Variants in DYM observed in about 807,000 individuals in gnomAD.
DYM encodes dymeclin.
A neutral mutation model predicts 93.1 loss-of-function variants in DYM; 78 were observed. That is an observed-to-expected ratio of 0.84 (90% CI 0.70 to 1.01). DYM has a LOEUF of 1.01. Ranked by LOEUF, DYM falls within the 50% of genes least tolerant of loss-of-function variation. The probability of loss-of-function intolerance (pLI) is 0.00; values close to 1 mark genes in which losing one functional copy is unlikely to be tolerated. For missense variants in DYM, 789 were observed against 845.0 expected, an observed-to-expected ratio of 0.93 and a Z score of 0.82; for synonymous variants, 321 against 319.7, an observed-to-expected ratio of 1.00 and a Z score of -0.04.
At chr18:49,071,631 C>G (rs959209534) in intron 17 of DYM, among the ~76,000 whole-genome samples, 2 of 152,168 alleles carry the variant, frequency 1.3e-5, no homozygotes, top group African/African-American at 4.8e-5. Context: ...CTACAACAGT[C>G]AAGGGTAACA....
rs74790663 is a variant in DYM at position 49,344,185 on chromosome 18, G to C, written c.495-10332C>G. On this transcript the variant is annotated intron_variant, in intron 6 of 17. Transcript: ENST00000675505. ...TCTACATATCTGGGGAAAAAATGAT[G>C]TAAACAGAAAAACCCTGGAACAGCC... Among the ~76,000 whole-genome samples, 522 of 152,226 alleles carry C rather than the reference G, an allele frequency of 3.4e-3. 4 individuals carry two copies. The highest frequency in any genetic ancestry group is 0.012 in the African/African-American group (483 of 41,536).
In DYM at chr18:49,282,023, A is replaced by G; in HGVS notation, c.1099T>C (p.Leu367=). Residue 367 remains leucine, a synonymous_variant, in exon 10 of 18, where the codon TTG becomes CTG. Coordinates refer to ENST00000675505, the MANE Select transcript of DYM (RefSeq NM_001353214.3). ...HQNSNIRTYM[L]ARTDMENLVL... ...AGATTTTCCATATCTGTGCGAGCCA[A>G]CATGTATGTTCTAATATTACTATTT... The G allele has an allele frequency of 1.9e-6, 3 of 1,614,008 alleles. No homozygotes were observed. The highest frequency in any genetic ancestry group is 2.5e-6 in the Non-Finnish European group (3 of 1,179,924).
chr18:49,052,126 C>T (rs749850860), intron 17 of DYM, among the ~76,000 whole-genome samples: 4 of 152,194 alleles, frequency 2.6e-5, no homozygotes, highest in Non-Finnish European at 5.9e-5. Context: ...CCTGGAAGCA[C>T]ATGGTAAGGA....
intron 17 of DYM, among the ~76,000 whole-genome samples, chr18:49,076,517 T>A (rs967310539): frequency 7.9e-5 from 12 of 152,218 alleles, no homozygotes; most frequent in Admixed American, 7.8e-4. Flanking sequence ...AGAGTTATCA[T>A]GTAAAATGTA....
At chr18:49,394,241 T>G (rs4939579) in intron 2 of DYM, among the ~76,000 whole-genome samples, 83,584 of 152,018 alleles carry the variant, frequency 0.55, 24,387 homozygotes, top group Non-Finnish European at 0.66. Flanking sequence ...CTTTATGTCT[T>G]AATTTCCTCA....
intron 14 of DYM, among the ~76,000 whole-genome samples, chr18:49,206,135 A>C (rs1020072842): frequency 6.6e-6 from 1 of 151,490 alleles, no homozygotes; most frequent in Non-Finnish European, 1.5e-5. Context: ...AGTAGCTGGG[A>C]CTACAAGCGT....
chr18:49,293,277 G>A (rs1187698131), intron 8 of DYM, among the ~76,000 whole-genome samples: 12 of 152,166 alleles, frequency 7.9e-5, no homozygotes, highest in Admixed American at 2.0e-4. Flanking sequence ...TAGTGCTGCA[G>A]TAAACATATG....
chr18:49,276,292 T>G (rs1172549656), intron 10 of DYM, among the ~76,000 whole-genome samples: 1 of 152,190 alleles, frequency 6.6e-6, no homozygotes, highest in East Asian at 1.9e-4. Flanking sequence ...AAGTGATTAC[T>G]TTGTCAAATG....
At chr18:49,449,240 C>A (rs1169661942) in intron 1 of DYM, among the ~76,000 whole-genome samples, 1 of 152,196 alleles carries the variant, frequency 6.6e-6, no homozygotes, top group Non-Finnish European at 1.5e-5. Context: ...AGGTGTTTCA[C>A]CTCTCATGAA....
intron 2 of DYM, among the ~76,000 whole-genome samples, chr18:49,408,086 C>T (rs1201635294): frequency 6.7e-6 from 1 of 150,124 alleles, no homozygotes; most frequent in African/African-American, 2.4e-5. Context: ...AAAACTGAAC[C>T]ATAAAAAGCT....
chr18:49,416,091 T>G (rs1277697759), intron 2 of DYM, among the ~76,000 whole-genome samples: 1 of 152,238 alleles, frequency 6.6e-6, no homozygotes, highest in African/African-American at 2.4e-5. Context: ...AAATTTCTGC[T>G]GCTTATTTTC....
chr18:49,242,070 T>C (rs1050454190), intron 13 of DYM, among the ~76,000 whole-genome samples: 13 of 152,192 alleles, frequency 8.5e-5, no homozygotes, highest in African/African-American at 2.9e-4. Flanking sequence ...CCACTTGCTC[T>C]CACCCCACCC....
At chr18:49,385,153 G>A (rs1280063522) in intron 3 of DYM, among the ~76,000 whole-genome samples, 3 of 152,078 alleles carry the variant, frequency 2.0e-5, no homozygotes, top group Non-Finnish European at 1.5e-5. Flanking sequence ...AAGAAGTGAG[G>A]ATACCCGGCT....
intron 17 of DYM, among the ~76,000 whole-genome samples, chr18:49,092,753 G>C (rs1450598730): frequency 4.6e-5 from 7 of 152,178 alleles, no homozygotes; most frequent in Non-Finnish European, 8.8e-5. Flanking sequence ...ATCCTGAGAA[G>C]CAAATCTGGG....
intron 15 of DYM, among the ~76,000 whole-genome samples, chr18:49,148,311 G>A (rs571769189): frequency 7.3e-5 from 11 of 151,292 alleles, no homozygotes; most frequent in African/African-American, 2.7e-4. Flanking sequence ...CCTGCATGTT[G>A]TGCACATGTA....
At chr18:49,372,590 C>A (rs767655372) in intron 5 of DYM, among the ~76,000 whole-genome samples, 6 of 152,014 alleles carry the variant, frequency 3.9e-5, no homozygotes, top group Non-Finnish European at 7.4e-5. Context: ...TAAAAAAATA[C>A]AAAAATTAGC....
intron 2 of DYM, among the ~76,000 whole-genome samples, chr18:49,392,159 AC>A (rs1466782268): frequency 1.3e-5 from 2 of 152,226 alleles, no homozygotes; most frequent in African/African-American, 4.8e-5. Flanking sequence ...GAAAAAAGAT[AC>A]AAAGATACAA....
At position 49,072,837 on chromosome 18, in the gene DYM, A is replaced by C. The variant is rs146483179; in HGVS notation, c.2025+24565T>G. Among the ~76,000 whole-genome samples the C allele has an allele frequency of 7.3e-3, 1,107 of 152,368 alleles. 7 individuals carry two copies. Among genetic ancestry groups the C allele is most frequent in the Non-Finnish European group, 0.011 (757 of 68,032 alleles). On this transcript the variant is annotated intron_variant, in intron 17 of 17. Transcript: ENST00000675505. ...GAAGCACAACTGATAGGGCTTCACA[A>C]ACATGTGATATCCCTTTAAGAAAGG...
rs1042184664 is a variant in DYM, at chr18:49,108,745, T to C, written c.1911+9999A>G. Among the ~76,000 whole-genome samples the C allele has an allele frequency of 2.6e-5, 4 of 152,198 alleles. No individual in the cohort carries two copies. In the South Asian group the frequency reaches 8.3e-4, roughly 32 times the overall value. ...GAACTCATCAAGTTGGTGGTTAGTATTGTTTGGGTCTTCTGTATCATCACA... is the reference window on the plus strand; with the variant it reads ...GAACTCATCAAGTTGGTGGTTAGTACTGTTTGGGTCTTCTGTATCATCACA... On this transcript the variant is annotated intron_variant, in intron 16 of 17. Coordinates refer to ENST00000675505, the MANE Select transcript of DYM (RefSeq NM_001353214.3).
Sources: gnomAD v4.1 joint callset for allele counts (sites outside exome capture counted in the v4.1 genomes callset) on GRCh38, gnomAD v4.1.1 for gene constraint, MANE v1.5 for transcripts, NCBI Gene and HGNC (gene_info 2026-07-23, HGNC 2026-07-21) for gene names.